DOP1B: variants seen among roughly 807,000 people sequenced by gnomAD.
DOP1B encodes the protein DOP1 leucine zipper like protein B, also known as protein DOP1B.
Under a neutral mutation model 233.5 loss-of-function variants are expected in DOP1B, and 174 were observed. The ratio of observed to expected loss-of-function variants is 0.75; its 90% CI spans 0.66 to 0.85. DOP1B has a LOEUF of 0.85. DOP1B is among the 40% of genes least tolerant of loss of function. The probability of loss-of-function intolerance (pLI) is 0.00; values close to 1 mark genes in which losing one functional copy is unlikely to be tolerated. For missense variants in DOP1B, 2,652 were observed against 2,846.6 expected (o/e 0.93, Z 1.56); for synonymous variants, 1,190 against 1,185.6 (o/e 1.00, Z -0.08).
Position 36,214,620 on chromosome 21 carries a change from C to A in DOP1B, c.1129+64C>A. ...CAGATTACCTGTTTTCAGGGAAATA[C>A]AACATGGTGAGATACAACCAAAGCG... On this transcript the variant is annotated intron_variant, in intron 9 of 36. Coordinates refer to ENST00000691173, the MANE Select transcript of DOP1B (RefSeq NM_001320714.2). The A allele has an allele frequency of 2.9e-6, 4 of 1,381,896 alleles. No individual in the cohort carries two copies. In the South Asian group the frequency reaches 5.0e-5, roughly 17 times the overall value. The allele number at this position is 1,381,896 out of a possible 1,614,324, so 85.6% of individuals were successfully genotyped here.
rs2066515447 is a variant in DOP1B at position 36,212,860 on chromosome 21, C to G, written c.904+763C>G. 2.0e-5 allele frequency among the ~76,000 whole-genome samples: 3 copies of G among 152,244 alleles called. No individual in the cohort carries two copies. The South Asian group carries it at 6.2e-4, about 32-fold the overall frequency. On this transcript the variant is annotated intron_variant, in intron 7 of 36. Coordinates refer to ENST00000691173, the MANE Select transcript of DOP1B (RefSeq NM_001320714.2). ...GCAGTGGTGCAATCTCAGCTCACTA[C>G]AACCTCGGCCTCCCAAGTTGGAGTG...
chr21:36,160,758 G>A (rs370932118), intron 1 of DOP1B, among the ~76,000 whole-genome samples: 11 of 152,062 alleles, frequency 7.2e-5, no homozygotes, highest in Non-Finnish European at 1.2e-4. Context: ...GGTTACAGGC[G>A]TGAGCCACTG....
At position 36,225,585 on chromosome 21, in the gene DOP1B, G is replaced by A; in HGVS notation, c.1391G>A (p.Ser464Asn). 6.2e-7 allele frequency: 1 copy of A among 1,614,082 alleles called. No individual in the cohort carries two copies. The highest frequency in any genetic ancestry group is 8.5e-7 in the Non-Finnish European group (1 of 1,180,008). Residue 464 changes from serine (S) to asparagine (N), a missense_variant, in exon 12 of 37, where the codon AGC (serine) becomes AAC (asparagine). Ser to Asn is a conservative substitution (Grantham distance 46, BLOSUM62 1). Coordinates refer to ENST00000691173, the MANE Select transcript of DOP1B (RefSeq NM_001320714.2). The stretch of plus-strand genomic sequence containing the variant: ...TATAGACCAGTGAAGCAGCGTTACA[G>A]CGTGAGGAACAGCGTCAGCCCTCCC... The part of the protein sequence containing the change: ...ECFRPVKQRY[S>N]VRNSVSPPPT...
Position 36,292,217 on chromosome 21 carries a change from TA to T in DOP1B, c.6633del (p.Lys2211AsnfsTer2). ...CACACTGTCAGGATTCTAGAACTTC[TA>T]AAATTAAAGTTTGGGGTAAGTGCTT... ...KPHTVRILEL[L>X]KLKFGEISSS... On this transcript the variant is annotated frameshift_variant, in exon 36 of 37. Coordinates refer to ENST00000691173, the MANE Select transcript of DOP1B (RefSeq NM_001320714.2). LOFTEE classifies it low-confidence loss of function (END_TRUNC). 1 of 1,593,142 alleles carries T rather than the reference TA, an allele frequency of 6.3e-7. No homozygotes were observed. Among genetic ancestry groups the T allele is most frequent in the Non-Finnish European group, 8.5e-7 (1 of 1,173,810 alleles).
intron 2 of DOP1B, among the ~76,000 whole-genome samples, chr21:36,194,767 G>T (rs1248321379): frequency 6.6e-6 from 1 of 152,098 alleles, no homozygotes; most frequent in East Asian, 1.9e-4. Context: ...GATTACAGGC[G>T]TGAGCCACTG....
At chr21:36,173,409 T>C (rs891664347) in intron 2 of DOP1B, among the ~76,000 whole-genome samples, 5 of 146,748 alleles carry the variant, frequency 3.4e-5, no homozygotes, top group Non-Finnish European at 5.9e-5. Flanking sequence ...TTTTCTGTGT[T>C]AGAGAATAGT....
chr21:36,241,904 G>T (rs1019791253), intron 18 of DOP1B, among the ~76,000 whole-genome samples: 2 of 150,464 alleles, frequency 1.3e-5, no homozygotes, highest in Non-Finnish European at 3.0e-5. Flanking sequence ...TGTGTGAAAT[G>T]GTTTCCTGTC....
In DOP1B at chr21:36,245,679, G is replaced by T; in HGVS notation, c.3699G>T (p.Gln1233His). 6.2e-7 allele frequency: 1 copy of T among 1,613,734 alleles called. No individual in the cohort carries two copies. The highest frequency in any genetic ancestry group is 8.5e-7 in the Non-Finnish European group (1 of 1,180,012). Residue 1233 changes from glutamine to histidine, a missense_variant, in exon 19 of 37, where the codon CAG becomes CAT. Gln to His is a conservative substitution (Grantham distance 24, BLOSUM62 0). Transcript: ENST00000691173. This position sits in a 1 kb window ranked among gnomAD's most constrained non-coding sequence, Gnocchi z 5.5. ...TCAAGCACATCCTGCTCTACCTGCA[G>T]CCCTACGACTCTCGGCGGGTCCTCT... ...ALFKHILLYL[Q>H]PYDSRRVLYA...
intron 2 of DOP1B, among the ~76,000 whole-genome samples, chr21:36,187,812 G>A (rs1334475893): frequency 6.6e-6 from 1 of 151,940 alleles, no homozygotes; most frequent in Non-Finnish European, 1.5e-5. Flanking sequence ...TTGCCATGTT[G>A]CTGGTCTTGA....
chr21:36,270,286 C>T (rs2067272497), intron 27 of DOP1B, 129 bp downstream of exon 27: 8 of 1,055,328 alleles, frequency 7.6e-6, no homozygotes, highest in Non-Finnish European at 9.6e-6. Flanking sequence ...GGTGCGGTGG[C>T]TCACGCCTGT....
chr21:36,217,349 A>G (rs1029900107), intron 9 of DOP1B, among the ~76,000 whole-genome samples: 2 of 152,154 alleles, frequency 1.3e-5, no homozygotes, highest in Admixed American at 6.5e-5. Context: ...TGATTTACAT[A>G]CATCCTTTTA....
intron 13 of DOP1B, among the ~76,000 whole-genome samples, chr21:36,229,303 TCCTGA>T (rs2066730823): frequency 6.6e-6 from 1 of 152,182 alleles, no homozygotes; most frequent in African/African-American, 2.4e-5. Context: ...GGTTGGCACC[TCCTGA>T]GTGCACTGGG....
Position 36,167,929 on chromosome 21 carries a change from C to CTTTTTTTTTTTTTTTTTTTTT in DOP1B, c.138+3062_138+3063insTTTTTTTTTTTTTTTTTTTTT, listed in dbSNP as rs1568996068. The stretch of plus-strand genomic sequence containing the variant: ...GGTAAGTCACATTTTCTTTTCTTTT[C>CTTTTTTTTTTTTTTTTTTTTT]TTTTCTTTTTCTTTTTTTTTTTTTT... On this transcript the variant is annotated intron_variant, in intron 2 of 36. Transcript: ENST00000691173. Among the ~76,000 whole-genome samples, 4 of 97,314 alleles carry CTTTTTTTTTTTTTTTTTTTTT rather than the reference C, an allele frequency of 4.1e-5. 2 individuals carry two copies. Among genetic ancestry groups the CTTTTTTTTTTTTTTTTTTTTT allele is most frequent in the South Asian group, 7.6e-4 (2 of 2,628 alleles). 63.8% of individuals were successfully genotyped at this position (97,314 alleles called of 152,430 possible).
At chr21:36,251,140 CT>C (rs199872661) in intron 21 of DOP1B, 21 bp from the exon 22 acceptor site, 21 of 1,596,324 alleles carry the variant, frequency 1.3e-5, no homozygotes, top group South Asian at 9.0e-5. Context: ...TCTGCAGTAA[CT>C]TTTTTTTCCC....
chr21:36,250,177 T>C (rs16994015), intron 21 of DOP1B, among the ~76,000 whole-genome samples: 4,670 of 152,266 alleles, frequency 0.031, 236 homozygotes, highest in African/African-American at 0.11. Flanking sequence ...TTAGTCCCTC[T>C]AGAGCAGAAG....
chr21:36,287,582 T>TTTA (rs1391610918), intron 32 of DOP1B, among the ~76,000 whole-genome samples: 2 of 121,680 alleles, frequency 1.6e-5, no homozygotes, highest in African/African-American at 6.1e-5. Flanking sequence ...TAACATTCTT[T>TTTA]TTTTTTTTTT....
intron 27 of DOP1B, among the ~76,000 whole-genome samples, chr21:36,274,311 C>T (rs1478231467): frequency 6.6e-6 from 1 of 152,096 alleles, no homozygotes; most frequent in African/African-American, 2.4e-5. Context: ...CAGAAAGGGA[C>T]AGTTTAAATG....
intron 32 of DOP1B, among the ~76,000 whole-genome samples, chr21:36,283,891 A>C (rs1285351846): frequency 6.7e-6 from 1 of 149,902 alleles, no homozygotes; most frequent in Non-Finnish European, 1.5e-5. Context: ...AATGTACCTG[A>C]TAACCCTTTC....
intron 2 of DOP1B, among the ~76,000 whole-genome samples, chr21:36,181,724 C>G (rs900619977): frequency 6.6e-6 from 1 of 152,192 alleles, no homozygotes; most frequent in South Asian, 2.1e-4. Flanking sequence ...TTATGTCCAC[C>G]CATGCCTCCC....
Sources: allele counts gnomAD v4.1 joint callset (sites outside exome capture counted in the v4.1 genomes callset), GRCh38; gene constraint gnomAD v4.1.1; non-coding constraint Gnocchi (gnomAD v3.1); transcripts MANE v1.5; gene names NCBI Gene and HGNC (gene_info 2026-07-23, HGNC 2026-07-21).